Variants in SRRM4 observed in about 807,000 individuals in gnomAD.
SRRM4 encodes serine/arginine repetitive matrix protein 4.
A neutral mutation model predicts 68.9 loss-of-function variants in SRRM4; 33 were observed. That is an observed-to-expected ratio of 0.48 (90% CI 0.36 to 0.64). SRRM4 has a LOEUF of 0.64. SRRM4 is among the 30% of genes least tolerant of loss of function. The pLI is 0.00. For missense variants in SRRM4, 817 were observed against 827.1 expected (o/e 0.99, Z 0.15); for synonymous variants, 318 against 318.8 (o/e 1.00, Z 0.03).
chr12:118,983,717 A>G (rs1953264604), intron 1 of SRRM4, among the ~76,000 whole-genome samples: 1 of 152,150 alleles, frequency 6.6e-6, no homozygotes, highest in African/African-American at 2.4e-5. Context: ...GATTCAGGAA[A>G]GCACACCTAT....
chr12:119,152,622 G>A (rs780929071), intron 10 of SRRM4, among the ~76,000 whole-genome samples: 1 of 152,216 alleles, frequency 6.6e-6, no homozygotes. Context: ...ATGGTGCAGT[G>A]AATGGAAATT....
chr12:119,073,199 G>A (rs995999794), intron 1 of SRRM4, among the ~76,000 whole-genome samples: 23 of 152,140 alleles, frequency 1.5e-4, no homozygotes, highest in African/African-American at 5.6e-4. Context: ...GGATGTATAT[G>A]AGGCAAGTGG....
rs777776606 is a variant in SRRM4 at position 119,123,408 on chromosome 12, G to A, written c.515+1288G>A. Among the ~76,000 whole-genome samples, 6 of 152,142 alleles carry A rather than the reference G, an allele frequency of 3.9e-5. No homozygotes were observed. In the East Asian group the frequency reaches 5.8e-4, roughly 15 times the overall value. On this transcript the variant is annotated intron_variant, in intron 6 of 12. Transcript: ENST00000267260. ...CACACTAAGCACAGATAGAGTACAC[G>A]TTCCCAGCAATCTCGGTGTCACTTG...
At position 119,158,733 on chromosome 12, in the gene SRRM4, A is replaced by C. The variant is rs1954489709; in HGVS notation, c.*1935A>C. 1 of 152,642 alleles carries C rather than the reference A, an allele frequency of 6.6e-6. No homozygotes were observed. The highest frequency in any genetic ancestry group is 2.1e-4 in the South Asian group (1 of 4,832). 9.5% of individuals were successfully genotyped at this position (152,642 alleles called of 1,614,324 possible). On this transcript the variant is annotated 3_prime_UTR_variant, in exon 13 of 13. Transcript: ENST00000267260. ...CCAGACTGGACTTCAGTCTCCCTCC[A>C]TGGAGACAAAGGCTTCCCAGAGCCA...
chr12:119,115,993 T>C (rs1954177483), intron 3 of SRRM4, among the ~76,000 whole-genome samples: 1 of 152,134 alleles, frequency 6.6e-6, no homozygotes, highest in South Asian at 2.1e-4. Flanking sequence ...CCTGAATTCC[T>C]ACACAGGATC....
At chr12:119,141,355 C>G (rs1461417518) in intron 8 of SRRM4, among the ~76,000 whole-genome samples, 3 of 152,130 alleles carry the variant, frequency 2.0e-5, no homozygotes, top group African/African-American at 4.8e-5. Context: ...GTGAATGTAT[C>G]GAAATATCAC....
intron 1 of SRRM4, among the ~76,000 whole-genome samples, chr12:119,011,989 A>G (rs1335708643): frequency 1.3e-5 from 2 of 152,368 alleles, no homozygotes; most frequent in Non-Finnish European, 2.9e-5. Context: ...AACATCTGCA[A>G]GCATTTAGCA....
chr12:119,054,567 TG>T (rs538427571), intron 1 of SRRM4, among the ~76,000 whole-genome samples: 29 of 152,302 alleles, frequency 1.9e-4, no homozygotes, highest in Non-Finnish European at 2.2e-4. Flanking sequence ...AGCAAAGTTT[TG>T]TTGTTGATGA....
At chr12:119,001,313 A>G (rs906719460) in intron 1 of SRRM4, 4 of 152,156 alleles carry the variant, frequency 2.6e-5, no homozygotes, top group Admixed American at 2.6e-4. Flanking sequence ...TCCTCTTTAA[A>G]TTTCATTGGT....
Position 119,153,598 on chromosome 12 carries a change from G to A in SRRM4, c.1340G>A (p.Arg447Lys). ...TCTGGCAAGAGGAGCCCGCCCAGCA[G>A]AAGCTCTAGGTCCCGCCGCAGCCCT... ...SKSGKRSPPS[R>K]SSRSRRSPSY... Residue 447 changes from arginine (R) to lysine (K), a missense_variant, in exon 11 of 13, where the codon AGA becomes AAA. Arg to Lys is a conservative substitution (Grantham distance 26). Coordinates refer to ENST00000267260, the MANE Select transcript of SRRM4 (RefSeq NM_194286.4). 1 of 1,573,716 alleles carries A rather than the reference G, an allele frequency of 6.4e-7. No homozygotes were observed. Among genetic ancestry groups the A allele is most frequent in the Admixed American group, 1.8e-5 (1 of 54,944 alleles).
intron 1 of SRRM4, among the ~76,000 whole-genome samples, chr12:119,007,379 C>T (rs976958207): frequency 4.6e-5 from 7 of 152,214 alleles, no homozygotes; most frequent in Admixed American, 1.3e-4. Context: ...TCCTTCTAGA[C>T]TCACTAACTT....
At chr12:119,007,097 T>C (rs1347227736) in intron 1 of SRRM4, among the ~76,000 whole-genome samples, 1 of 152,190 alleles carries the variant, frequency 6.6e-6, no homozygotes, top group African/African-American at 2.4e-5. Context: ...TTTTTGACTT[T>C]GGCCTAACTG....
At chr12:119,033,094 C>G (rs536302808) in intron 1 of SRRM4, among the ~76,000 whole-genome samples, 1 of 152,020 alleles carries the variant, frequency 6.6e-6, no homozygotes, top group Non-Finnish European at 1.5e-5. Context: ...CATTAGCTTT[C>G]AATTTTTAAA....
At chr12:119,129,044 A>G (rs1235365338) in intron 7 of SRRM4, among the ~76,000 whole-genome samples, 1 of 152,186 alleles carries the variant, frequency 6.6e-6, no homozygotes, top group African/African-American at 2.4e-5. Context: ...CCAGGGCATG[A>G]ATCCCAGGCG....
chr12:119,068,945 A>G (rs1474547316), intron 1 of SRRM4, among the ~76,000 whole-genome samples: 1 of 152,084 alleles, frequency 6.6e-6, no homozygotes, highest in Non-Finnish European at 1.5e-5. Flanking sequence ...TTTTAAACCC[A>G]TTCCCCAAAG....
chr12:119,058,533 T>C (rs1034429349), intron 1 of SRRM4, among the ~76,000 whole-genome samples: 2 of 152,178 alleles, frequency 1.3e-5, no homozygotes, highest in Admixed American at 1.3e-4. Flanking sequence ...GTACTTTGAG[T>C]CAAAAGTCCA....
At chr12:119,092,280 G>C (rs767590708) in intron 1 of SRRM4, among the ~76,000 whole-genome samples, 3 of 152,202 alleles carry the variant, frequency 2.0e-5, no homozygotes, top group Middle Eastern at 6.8e-3. Context: ...TTTAAACACT[G>C]TCCAAATGCT....
chr12:119,127,977 G>T (rs1954271735), intron 7 of SRRM4, among the ~76,000 whole-genome samples: 2 of 152,106 alleles, frequency 1.3e-5, no homozygotes, highest in African/African-American at 4.8e-5. Context: ...CCAATGCCTG[G>T]ATCCCACCCT....
At position 119,102,271 on chromosome 12, in the gene SRRM4, A is replaced by G. The variant is rs765147050; in HGVS notation, c.167A>G (p.Gln56Arg). The G allele has an allele frequency of 3.7e-6, 6 of 1,613,780 alleles. No homozygotes were observed. Among genetic ancestry groups the G allele is most frequent in the Non-Finnish European group, 5.1e-6 (6 of 1,179,768 alleles). ...EPQNNPVVPA[Q>R]DGPSEKLGQH... The stretch of plus-strand genomic sequence containing the variant: ...CAGAATAACCCCGTTGTCCCAGCTC[A>G]GGATGGACCCTCAGAAAAGCTGGGT... The change falls in exon 2 of 13, where the codon CAG becomes CGG. Residue 56 changes from glutamine (Q) to arginine (R), a missense_variant. By Grantham distance (43) the Gln-to-Arg change is conservative. Coordinates refer to ENST00000267260, the MANE Select transcript of SRRM4 (RefSeq NM_194286.4).
Sources: allele counts gnomAD v4.1 joint callset (sites outside exome capture counted in the v4.1 genomes callset), GRCh38; gene constraint gnomAD v4.1.1; transcripts MANE v1.5; gene names NCBI Gene and HGNC (gene_info 2026-07-23, HGNC 2026-07-21).